The following KCNMA1 variants were observed in gnomAD, a reference collection of about 807,000 sequenced individuals.
KCNMA1 encodes Calcium-activated potassium channel subunit alpha-1.
Under a neutral mutation model 140.0 loss-of-function variants are expected in KCNMA1, and 29 were observed. That is an observed-to-expected ratio of 0.21 (90% CI 0.15 to 0.28). The LOEUF is 0.28. Ranked by LOEUF, KCNMA1 falls within the 10% of genes least tolerant of loss-of-function variation. The pLI, the probability that KCNMA1 is intolerant of heterozygous loss-of-function variation, is 1.00. For missense variants in KCNMA1, 880 were observed against 1,602.2 expected (o/e 0.55, Z 7.70); for synonymous variants, 612 against 611.9 (o/e 1.00, Z 0.00).
intron 19 of KCNMA1, among the ~76,000 whole-genome samples, chr10:76,971,248 T>G (rs1429014461): frequency 6.6e-6 from 1 of 152,144 alleles, no homozygotes; most frequent in East Asian, 1.9e-4. Flanking sequence ...AAGAGAAATA[T>G]TAGCAGTGAT....
At position 77,497,097 on chromosome 10, in the gene KCNMA1, A is replaced by G. The variant is rs372577251; in HGVS notation, c.379-93074T>C. Among the ~76,000 whole-genome samples, 7 of 152,202 alleles carry G rather than the reference A, an allele frequency of 4.6e-5. No homozygotes were observed. The East Asian group carries it at 1.2e-3, about 25-fold the overall frequency. ...TCTCAGAGAGCGAACTAACCATGGG[A>G]GTTCAGCACTGATCCTATTGTGTCC... is the stretch of plus-strand genomic sequence containing the variant. On this transcript the variant is annotated intron_variant, in intron 1 of 27. Coordinates refer to ENST00000286628, the MANE Select transcript of KCNMA1 (RefSeq NM_001161352.2).
intron 3 of KCNMA1, among the ~76,000 whole-genome samples, chr10:77,218,873 G>A (rs1280398819): frequency 6.6e-6 from 1 of 152,106 alleles, no homozygotes; most frequent in African/African-American, 2.4e-5. Flanking sequence ...TTTGGGTAGA[G>A]ATGGGATTTC....
chr10:76,985,529 C>G (rs2081028491), intron 19 of KCNMA1, among the ~76,000 whole-genome samples: 1 of 152,152 alleles, frequency 6.6e-6, no homozygotes, highest in Admixed American at 6.5e-5. Context: ...AACCTAGTTA[C>G]AAACAACTAA....
At chr10:77,502,676 A>T (rs1022114048) in intron 1 of KCNMA1, among the ~76,000 whole-genome samples, 2 of 152,182 alleles carry the variant, frequency 1.3e-5, no homozygotes, top group African/African-American at 4.8e-5. Context: ...CACTGAGTTC[A>T]AATTTGCCTC....
intron 1 of KCNMA1, among the ~76,000 whole-genome samples, chr10:77,614,627 G>T (rs1407565463): frequency 6.6e-6 from 1 of 152,166 alleles, no homozygotes; most frequent in East Asian, 1.9e-4. Context: ...TTTCTCTGTG[G>T]TCTTCACCCT....
downstream of KCNMA1, chr10:76,875,237 A>G (rs2151395191): frequency 2.0e-5 from 3 of 152,318 alleles, 1 homozygote; most frequent in Middle Eastern, 0.01. Context: ...CCCCTTAACA[A>G]AATGCCTCAT....
intron 5 of KCNMA1, among the ~76,000 whole-genome samples, chr10:77,174,710 C>T (rs2098737794): frequency 6.6e-6 from 1 of 152,240 alleles, no homozygotes; most frequent in Non-Finnish European, 1.5e-5. Flanking sequence ...AGAATCACTA[C>T]ACCTGAGAGC....
At chr10:77,576,185 A>C (rs902699920) in intron 1 of KCNMA1, among the ~76,000 whole-genome samples, 2 of 152,196 alleles carry the variant, frequency 1.3e-5, no homozygotes, top group Non-Finnish European at 2.9e-5. Context: ...AAGGCCCTAG[A>C]CTAGCAGGCC....
intron 2 of KCNMA1, among the ~76,000 whole-genome samples, chr10:77,323,832 G>A (rs1002378984): frequency 1.3e-5 from 2 of 152,164 alleles, no homozygotes; most frequent in African/African-American, 4.8e-5. Context: ...AGATGGGGAG[G>A]GATTCAGGGA....
intron 2 of KCNMA1, among the ~76,000 whole-genome samples, chr10:77,258,003 G>C (rs372122502): frequency 1.8e-4 from 27 of 152,298 alleles, no homozygotes; most frequent in East Asian, 9.6e-4. Flanking sequence ...GGAGAAGGAA[G>C]AGCACAGGAC....
chr10:77,424,173 G>A (rs2096926431), intron 1 of KCNMA1, among the ~76,000 whole-genome samples: 1 of 152,180 alleles, frequency 6.6e-6, no homozygotes, highest in Non-Finnish European at 1.5e-5. Context: ...TGAAACCTCA[G>A]GTTTCTGAGC....
At chr10:77,634,445 T>G in intron 1 of KCNMA1, 2 of 985,440 alleles carry the variant, frequency 2.0e-6, no homozygotes, top group Non-Finnish European at 2.4e-6. Flanking sequence ...ACGATGCATG[T>G]CCACAGTCTT....
At chr10:76,871,743 C>T (rs1200892728) in exon 28 of KCNMA1, 2 of 152,198 alleles carry the variant, frequency 1.3e-5, no homozygotes, top group African/African-American at 4.8e-5. Context: ...TTATCTAACT[C>T]CTAAACCCCC....
rs2052056254 is a variant in KCNMA1, at chr10:76,914,825, C to G, written c.3016+111G>C. On this transcript the variant is annotated intron_variant, in intron 24 of 27. Transcript: ENST00000286628. Reference sequence around the variant, plus strand: ...CCTCCCAGCCCCCTCAAAACAAACCCCATAGCAGCTACAAAGTTGAAAGGG... The same window carrying G: ...CCTCCCAGCCCCCTCAAAACAAACCGCATAGCAGCTACAAAGTTGAAAGGG... The G allele has an allele frequency of 9.7e-6, 8 of 823,686 alleles. No homozygotes were observed. The East Asian group carries it at 1.8e-4, about 18-fold the overall frequency. 51.0% of individuals were successfully genotyped at this position (823,686 alleles called of 1,614,324 possible). A position where few individuals can be genotyped will look rare whatever the true frequency, so the allele number is the denominator to read the frequency against.
At chr10:76,953,695 G>T in intron 21 of KCNMA1, 106 bp downstream of exon 21, 1 of 1,341,272 alleles carries the variant, frequency 7.5e-7, no homozygotes, top group South Asian at 1.2e-5. Context: ...AAATAATTAG[G>T]ACCAGGGACA....
chr10:77,631,168 T>C (rs1287045658), intron 1 of KCNMA1, among the ~76,000 whole-genome samples: 1 of 151,020 alleles, frequency 6.6e-6, no homozygotes, highest in African/African-American at 2.4e-5. Flanking sequence ...CTCCAGTCCT[T>C]GGAGATAAAG....
chr10:77,532,528 T>C (rs1283221592), intron 1 of KCNMA1, among the ~76,000 whole-genome samples: 3 of 152,214 alleles, frequency 2.0e-5, no homozygotes, highest in Non-Finnish European at 4.4e-5. Flanking sequence ...CATTTAAGCC[T>C]GGAGAATACC....
intron 3 of KCNMA1, among the ~76,000 whole-genome samples, chr10:77,228,708 G>A (rs1391069436): frequency 6.6e-6 from 1 of 151,752 alleles, no homozygotes; most frequent in African/African-American, 2.4e-5. Flanking sequence ...GAGCTAACTG[G>A]GGCACTGAGT....
chr10:77,101,854 G>T (rs1396055632), intron 9 of KCNMA1, among the ~76,000 whole-genome samples: 1 of 152,214 alleles, frequency 6.6e-6, no homozygotes, highest in Non-Finnish European at 1.5e-5. Context: ...CTGTGGATCG[G>T]CCCAAGTCAG....
Sources: gnomAD v4.1 joint callset for allele counts (sites outside exome capture counted in the v4.1 genomes callset) on GRCh38, gnomAD v4.1.1 for gene constraint, MANE v1.5 for transcripts, NCBI Gene and HGNC (gene_info 2026-07-23, HGNC 2026-07-21) for gene names.